ZBTB8B: variants seen among roughly 807,000 people sequenced by gnomAD.
ZBTB8B encodes zinc finger and BTB domain-containing protein 8B.
ZBTB8B carries 17 observed loss-of-function variants against 30.3 expected under a neutral mutation model. That is an observed-to-expected ratio of 0.56 (90% CI 0.38 to 0.84). ZBTB8B has a LOEUF of 0.84. Ranked by LOEUF, ZBTB8B falls within the 40% of genes least tolerant of loss-of-function variation. The probability of loss-of-function intolerance (pLI) is 0.00; values close to 1 mark genes in which losing one functional copy is unlikely to be tolerated. For synonymous variants in ZBTB8B, 248 were observed against 255.6 expected (o/e 0.97, Z 0.28); for missense variants, 515 against 644.9 (o/e 0.80, Z 2.18).
At chr1:32,467,911 G>A (rs756899336) in intron 1 of ZBTB8B, among the ~76,000 whole-genome samples, 2 of 151,786 alleles carry the variant, frequency 1.3e-5, no homozygotes, top group African/African-American at 4.8e-5. Context: ...CCAGGAGTTC[G>A]AGACCAGCCT....
chr1:32,471,626 T>G lies in ZBTB8B; in HGVS notation c.991+11T>G. The G allele has an allele frequency of 6.5e-7, 1 of 1,541,750 alleles. No individual in the cohort carries two copies. The highest frequency in any genetic ancestry group is 1.2e-5 in the South Asian group (1 of 83,828). On this transcript the variant is annotated intron_variant, in intron 2 of 3. Coordinates refer to ENST00000609129, the MANE Select transcript of ZBTB8B (RefSeq NM_001145720.2). The stretch of plus-strand genomic sequence containing the variant: ...ATGGAGAGGACTCAGGTGAGCTCCC[T>G]TAGCATTCATCAGCCCTGCCAGTGA...
chr1:32,474,343 CAAAAAAAAAAAAAAAAAAA>C (rs57001984), intron 2 of ZBTB8B, among the ~76,000 whole-genome samples: 31 of 39,164 alleles, frequency 7.9e-4, no homozygotes, highest in Non-Finnish European at 1.1e-3. Flanking sequence ...CCCATCTCTA[CAAAAAAAAAAAAAAAAAAA>C]AAAAAAAAAA....
chr1:32,466,044 A>C (rs1643567849), intron 1 of ZBTB8B, among the ~76,000 whole-genome samples: 1 of 152,192 alleles, frequency 6.6e-6, no homozygotes, highest in African/African-American at 2.4e-5. Context: ...GTGCCTTTTA[A>C]AAATTTTAAT....
In ZBTB8B at chr1:32,487,999, A is replaced by G. The variant is rs1317885159; in HGVS notation, c.*2581A>G. ...ACGCCTGTAATCCCAACACTTTGGG[A>G]GGCCAAGGCAGGTGGATCACCTGAG... is the stretch of plus-strand genomic sequence containing the variant. On this transcript the variant is annotated 3_prime_UTR_variant, in exon 4 of 4. Coordinates refer to ENST00000609129, the MANE Select transcript of ZBTB8B (RefSeq NM_001145720.2). The G allele has an allele frequency of 6.6e-6, 1 of 152,180 alleles. No homozygotes were observed. The highest frequency in any genetic ancestry group is 2.4e-5 in the African/African-American group (1 of 41,422). 9.4% of individuals were successfully genotyped at this position (152,180 alleles called of 1,614,324 possible).
intron 1 of ZBTB8B, among the ~76,000 whole-genome samples, chr1:32,467,243 GTT>G (rs1207043175): frequency 0.11 from 14,322 of 134,500 alleles, 662 homozygotes; most frequent in Non-Finnish European, 0.13. Context: ...CCACACACTT[GTT>G]TTTTTTTTTT....
rs1041307123 is a variant in ZBTB8B, at chr1:32,480,930, C to T, written c.1031C>T (p.Pro344Leu). Residue 344 changes from proline to leucine, a missense_variant, in exon 3 of 4, where the codon CCT becomes CTT. By Grantham distance (98) the Pro-to-Leu change is moderately conservative (BLOSUM62 -3). Transcript: ENST00000609129. Reference sequence around the variant, plus strand: ...GTCCCCATCAAGCTCCACAAGTGTCCTTTCTGCCCTTACACTGCCAAACAG... The same window carrying T: ...GTCCCCATCAAGCTCCACAAGTGTCTTTTCTGCCCTTACACTGCCAAACAG... Reference protein sequence around the residue: ...LVVPIKLHKCPFCPYTAKQKG... With the variant: ...LVVPIKLHKCLFCPYTAKQKG... The T allele has an allele frequency of 6.4e-7, 1 of 1,551,962 alleles. No homozygotes were observed. The highest frequency in any genetic ancestry group is 1.4e-5 in the African/African-American group (1 of 73,058).
Position 32,471,425 on chromosome 1 carries a change from G to C in ZBTB8B, c.801G>C (p.Ala267=). 2 of 1,551,812 alleles carry C rather than the reference G, an allele frequency of 1.3e-6. No homozygotes were observed. Among genetic ancestry groups the C allele is most frequent in the Non-Finnish European group, 1.7e-6 (2 of 1,147,018 alleles). ...AGGAGGCCTTGCCAAGCGGCCAGGC[G>C]GTTGACTTGGCTTACAGCAACTACC... is the stretch of plus-strand genomic sequence containing the variant. The part of the protein sequence containing the change: ...HVEEALPSGQ[A]VDLAYSNYHV... The change falls in exon 2 of 4, where the codon GCG becomes GCC. Residue 267 remains alanine (A), a synonymous_variant. Coordinates refer to ENST00000609129, the MANE Select transcript of ZBTB8B (RefSeq NM_001145720.2).
Position 32,485,364 on chromosome 1 carries a change from T to A in ZBTB8B, c.1434T>A (p.Ser478=). ...GEENDPAGDD[S]DDKPQIQPNL... is the part of the protein sequence containing the mutation. ...AAAATGACCCTGCTGGAGATGATTC[T>A]GATGACAAACCACAAATTCAGCCTA... is the stretch of plus-strand genomic sequence containing the variant. Residue 478 remains serine, a synonymous_variant, in exon 4 of 4, where the codon TCT becomes TCA. Coordinates refer to ENST00000609129, the MANE Select transcript of ZBTB8B (RefSeq NM_001145720.2). The A allele has an allele frequency of 6.4e-7, 1 of 1,552,238 alleles. No individual in the cohort carries two copies.
rs1643820398 is a variant in ZBTB8B, at chr1:32,496,673, G to A, written c.*11255G>A. ...TAAAATTACGAGAGAATAAATTCGT[G>A]GATATAATCTAAATCTGATTTCTCC... On this transcript the variant is annotated 3_prime_UTR_variant, in exon 4 of 4. Transcript: ENST00000609129. 1 of 152,020 alleles carries A rather than the reference G, an allele frequency of 6.6e-6. No individual in the cohort carries two copies. The highest frequency in any genetic ancestry group is 1.9e-4 in the East Asian group (1 of 5,196). The allele number at this position is 152,020 out of a possible 1,614,324, so 9.4% of individuals were successfully genotyped here.
chr1:32,471,435 G>A lies in ZBTB8B; in HGVS notation c.811G>A (p.Ala271Thr), dbSNP rs1420202199. ...GCCAAGCGGCCAGGCGGTTGACTTGGCTTACAGCAACTACCACGTGAAGCA... is the reference window on the plus strand; with the variant it reads ...GCCAAGCGGCCAGGCGGTTGACTTGACTTACAGCAACTACCACGTGAAGCA... ...ALPSGQAVDLAYSNYHVKQFL... is the reference protein window; with the variant it reads ...ALPSGQAVDLTYSNYHVKQFL... Residue 271 changes from alanine (A) to threonine (T), a missense_variant, in exon 2 of 4, where the codon GCT becomes ACT. By Grantham distance (58) the Ala-to-Thr change is moderately conservative. Around this residue, in one of 3 missense-constraint regions of ZBTB8B, gnomAD observed 429 missense variants for 504.3 expected, o/e 0.85. Coordinates refer to ENST00000609129, the MANE Select transcript of ZBTB8B (RefSeq NM_001145720.2). 5.8e-6 allele frequency: 9 copies of A among 1,551,718 alleles called. No homozygotes were observed. The highest frequency in any genetic ancestry group is 7.8e-6 in the Non-Finnish European group (9 of 1,147,032).
At position 32,486,267 on chromosome 1, in the gene ZBTB8B, T is replaced by A. The variant is rs1643744266; in HGVS notation, c.*849T>A. On this transcript the variant is annotated 3_prime_UTR_variant, in exon 4 of 4. Coordinates refer to ENST00000609129, the MANE Select transcript of ZBTB8B (RefSeq NM_001145720.2). ...GAAATGTAGCTGCCTCTGGCATTCT[T>A]TTACTTAGTTTATGCTGATGTAGGG... 1 of 152,228 alleles carries A rather than the reference T, an allele frequency of 6.6e-6. No individual in the cohort carries two copies. Among genetic ancestry groups the A allele is most frequent in the Non-Finnish European group, 1.5e-5 (1 of 68,054 alleles). 9.4% of individuals were successfully genotyped at this position (152,228 alleles called of 1,614,324 possible).
chr1:32,472,482 G>A (rs990077837), intron 2 of ZBTB8B, among the ~76,000 whole-genome samples: 1 of 152,190 alleles, frequency 6.6e-6, no homozygotes, highest in Admixed American at 6.5e-5. Context: ...GGGAGAATGA[G>A]ATTGAAGTGA....
chr1:32,479,777 C>T (rs1314206569), intron 2 of ZBTB8B, among the ~76,000 whole-genome samples: 1 of 152,090 alleles, frequency 6.6e-6, no homozygotes, highest in Non-Finnish European at 1.5e-5. Context: ...ACTCACAGAA[C>T]TTGAATGGAA....
rs1008464284 is a variant in ZBTB8B, at chr1:32,487,768, G to A, written c.*2350G>A. The A allele has an allele frequency of 2.6e-5, 4 of 152,114 alleles. No homozygotes were observed. Among genetic ancestry groups the A allele is most frequent in the Non-Finnish European group, 5.9e-5 (4 of 68,036 alleles). The allele number at this position is 152,114 out of a possible 1,614,324, so 9.4% of individuals were successfully genotyped here. Reference sequence around the variant, plus strand: ...GTGGCGAGAGGAACACTTGAGCCTGGAAAAGGTTGCAGTGAGCTGGAATCG... The same window carrying A: ...GTGGCGAGAGGAACACTTGAGCCTGAAAAAGGTTGCAGTGAGCTGGAATCG... On this transcript the variant is annotated 3_prime_UTR_variant, in exon 4 of 4. Coordinates refer to ENST00000609129, the MANE Select transcript of ZBTB8B (RefSeq NM_001145720.2).
In ZBTB8B at chr1:32,493,161, T is replaced by C. The variant is rs1294759851; in HGVS notation, c.*7743T>C. On this transcript the variant is annotated 3_prime_UTR_variant, in exon 4 of 4. Coordinates refer to ENST00000609129, the MANE Select transcript of ZBTB8B (RefSeq NM_001145720.2). ...GCATCAGGTTTGTTTTTTTTGTTTT[T>C]TTGACAGACTCTCACTCTGTCGCCA... 1 of 152,156 alleles carries C rather than the reference T, an allele frequency of 6.6e-6. No individual in the cohort carries two copies. Among genetic ancestry groups the C allele is most frequent in the Non-Finnish European group, 1.5e-5 (1 of 68,034 alleles). The allele number at this position is 152,156 out of a possible 1,614,324, so 9.4% of individuals were successfully genotyped here.
chr1:32,478,347 A>C (rs1643679276), intron 2 of ZBTB8B, among the ~76,000 whole-genome samples: 1 of 151,748 alleles, frequency 6.6e-6, no homozygotes, highest in Non-Finnish European at 1.5e-5. Context: ...TCCTGTCTCT[A>C]CTAAAAATAC....
chr1:32,483,859 G>T (rs1431951886), intron 3 of ZBTB8B, among the ~76,000 whole-genome samples: 1 of 151,630 alleles, frequency 6.6e-6, no homozygotes, highest in Non-Finnish European at 1.5e-5. Context: ...GAGCCCAGGA[G>T]TTCAAGTCCA....
intron 3 of ZBTB8B, among the ~76,000 whole-genome samples, chr1:32,483,010 T>C (rs935035323): frequency 6.6e-6 from 1 of 151,844 alleles, no homozygotes; most frequent in Non-Finnish European, 1.5e-5. Flanking sequence ...GCCTCTTGCT[T>C]GCACCCAGAG....
rs897045468 is a variant in ZBTB8B at position 32,471,313 on chromosome 1, A to G, written c.689A>G (p.Lys230Arg). The change falls in exon 2 of 4, where the codon AAG (lysine) becomes AGG (arginine). Residue 230 changes from lysine (K) to arginine (R), a missense_variant. This residue lies in a region of ZBTB8B where 429 missense variants were observed against 504.3 expected (regional missense o/e 0.85). Transcript: ENST00000609129. ...ACTCCACCCAAACGGATAGAGCCCA[A>G]GGTGGAATTTGATGCTGATGAAGTG... ...LSTPPKRIEPKVEFDADEVEV... is the reference protein window; with the variant it reads ...LSTPPKRIEPRVEFDADEVEV... The G allele has an allele frequency of 2.6e-6, 4 of 1,551,794 alleles. No homozygotes were observed. The highest frequency in any genetic ancestry group is 3.5e-6 in the Non-Finnish European group (4 of 1,147,002).
Sources: gnomAD v4.1 joint callset for allele counts (sites outside exome capture counted in the v4.1 genomes callset) on GRCh38, gnomAD v4.1.1 for gene constraint, gnomAD v4.1.1 regional missense constraint, MANE v1.5 for transcripts, NCBI Gene and HGNC (gene_info 2026-07-23, HGNC 2026-07-21) for gene names.